The following GABRA3 variants were observed in gnomAD, a reference collection of about 807,000 sequenced individuals.
The protein encoded by GABRA3 is gamma-aminobutyric acid receptor subunit alpha-3.
In GABRA3, 10 loss-of-function variants were observed where a neutral mutation model predicts 30.1. The ratio of observed to expected loss-of-function variants is 0.33; its 90% confidence interval spans 0.20 to 0.56. GABRA3 has a LOEUF of 0.56. Among genes scored for constraint, GABRA3 ranks in the 20% least tolerant of loss-of-function variants. The pLI is 0.89. For synonymous variants in GABRA3, 151 were observed against 146.8 expected, an observed-to-expected ratio of 1.03 and a Z score of -0.21; for missense variants, 233 against 392.0, an observed-to-expected ratio of 0.59 and a Z score of 3.42.
intron 6 of GABRA3, among the ~76,000 whole-genome samples, chrX:152,213,986 G>A (rs2062576732): frequency 9.0e-6 from 1 of 110,856 alleles, no homozygotes; most frequent in Non-Finnish European, 1.9e-5. Flanking sequence ...GATATATTGT[G>A]TAGTGGACAA....
At chrX:152,323,836 AG>A (rs1255545982) in intron 3 of GABRA3, among the ~76,000 whole-genome samples, 1 of 112,032 alleles carries the variant, frequency 8.9e-6, no homozygotes, top group Non-Finnish European at 1.9e-5. Context: ...ATCTGTATTT[AG>A]AGAAAATAGA....
At chrX:152,185,002 G>T (rs988794292) in intron 9 of GABRA3, among the ~76,000 whole-genome samples, 1 of 111,167 alleles carries the variant, frequency 9.0e-6, no homozygotes, top group Non-Finnish European at 1.9e-5. Context: ...TCATAATACA[G>T]ATCAAAAATA....
At chrX:152,224,984 C>T (rs1234782575) in intron 5 of GABRA3, 139 bp from the exon 6 acceptor site, 1 of 430,543 alleles carries the variant, frequency 2.3e-6, no homozygotes, top group African/African-American at 2.5e-5. Flanking sequence ...TTTATGAACA[C>T]AAAGGATGGA....
intron 7 of GABRA3, among the ~76,000 whole-genome samples, chrX:152,204,703 TAAAC>T (rs938646566): frequency 3.6e-5 from 4 of 112,189 alleles, no homozygotes; most frequent in Non-Finnish European, 7.5e-5. Flanking sequence ...ATTACTTTGA[TAAAC>T]AGTAAGAAAA....
intron 9 of GABRA3, among the ~76,000 whole-genome samples, chrX:152,186,073 C>A (rs1937249205): frequency 9.0e-6 from 1 of 111,450 alleles, no homozygotes; most frequent in African/African-American, 3.3e-5. Context: ...AGTCTTCTAC[C>A]CTATATGTCT....
intron 3 of GABRA3, among the ~76,000 whole-genome samples, chrX:152,325,870 G>A (rs1272558314): frequency 2.7e-5 from 3 of 111,857 alleles, no homozygotes; most frequent in Non-Finnish European, 5.6e-5. Flanking sequence ...GTTGAGAGAA[G>A]AAGGCTTCAG....
At chrX:152,374,468 A>G (rs891687495) in intron 1 of GABRA3, among the ~76,000 whole-genome samples, 1 of 105,418 alleles carries the variant, frequency 9.5e-6, no homozygotes, top group Non-Finnish European at 1.9e-5. Flanking sequence ...CTCCTGCCTC[A>G]GCCTCCCGAG....
chrX:152,360,511 CA>C (rs1386683523), intron 2 of GABRA3, among the ~76,000 whole-genome samples: 1 of 79,383 alleles, frequency 1.3e-5, no homozygotes, highest in Non-Finnish European at 2.3e-5. Context: ...ATCACATGGA[CA>C]CAGGAAGGGG....
intron 1 of GABRA3, among the ~76,000 whole-genome samples, chrX:152,368,643 G>T (rs961761786): frequency 3.7e-5 from 4 of 108,612 alleles, no homozygotes; most frequent in Non-Finnish European, 7.6e-5. Context: ...AATATCCTTT[G>T]GATATATAAC....
chrX:152,276,485 G>A (rs1939087554), intron 4 of GABRA3, among the ~76,000 whole-genome samples: 3 of 111,220 alleles, frequency 2.7e-5, no homozygotes, highest in African/African-American at 3.3e-5. Context: ...AAATGTGCAA[G>A]CCCTAACAAA....
chrX:152,341,764 T>G (rs1310915038), intron 3 of GABRA3, among the ~76,000 whole-genome samples: 1 of 110,455 alleles, frequency 9.1e-6, no homozygotes, highest in African/African-American at 3.3e-5. Flanking sequence ...ATGGTCTCGA[T>G]CTCTTGACCT....
chrX:152,297,737 C>G (rs1306396341), intron 3 of GABRA3, among the ~76,000 whole-genome samples: 1 of 111,973 alleles, frequency 8.9e-6, no homozygotes, highest in East Asian at 2.8e-4. Flanking sequence ...AAAAAATATT[C>G]TATAATAGGA....
intron 3 of GABRA3, among the ~76,000 whole-genome samples, chrX:152,292,145 T>C (rs1569385619): frequency 8.9e-6 from 1 of 111,761 alleles, no homozygotes; most frequent in Non-Finnish European, 1.9e-5. Context: ...CGTCTGGTCC[T>C]GGACTTTTTT....
At chrX:152,404,301 G>A (rs962500099) in intron 1 of GABRA3, among the ~76,000 whole-genome samples, 2 of 110,999 alleles carry the variant, frequency 1.8e-5, no homozygotes, top group African/African-American at 6.6e-5. Flanking sequence ...AAGGCAGACT[G>A]GCTAGGGACC....
At chrX:152,341,160 A>G (rs759587440) in intron 3 of GABRA3, among the ~76,000 whole-genome samples, 17 of 111,375 alleles carry the variant, frequency 1.5e-4, no homozygotes, top group African/African-American at 5.5e-4. Context: ...TTCACTTAGT[A>G]TAATGGCCTC....
rs745567385 is a variant in GABRA3, at chrX:152,226,932, T to A, written c.552-2087A>T. ...AAATAGAACTCTTTTACACTGTTGGTGGGACTGTAAACTAGTTCAACCATT... is the reference window on the plus strand; with the variant it reads ...AAATAGAACTCTTTTACACTGTTGGAGGGACTGTAAACTAGTTCAACCATT... On this transcript the variant is annotated intron_variant, in intron 5 of 9. Transcript: ENST00000370314. Among the ~76,000 whole-genome samples the A allele has an allele frequency of 8.1e-5, 9 of 111,722 alleles. No homozygotes were observed. In the Admixed American group the frequency reaches 8.6e-4, roughly 11 times the overall value.
At chrX:152,266,215 T>C (rs766957744) in intron 4 of GABRA3, among the ~76,000 whole-genome samples, 1 of 111,767 alleles carries the variant, frequency 8.9e-6, no homozygotes, top group East Asian at 2.8e-4. Flanking sequence ...TGATGAATAT[T>C]GAGGCAAAGA....
chrX:152,247,220 A>G (rs1439045697), intron 5 of GABRA3, among the ~76,000 whole-genome samples: 1 of 111,885 alleles, frequency 8.9e-6, no homozygotes, highest in East Asian at 2.8e-4. Context: ...TTGATTATTA[A>G]ACATGGAGAA....
intron 3 of GABRA3, among the ~76,000 whole-genome samples, chrX:152,340,874 T>C (rs1301262160): frequency 9.3e-6 from 1 of 107,971 alleles, no homozygotes; most frequent in East Asian, 2.9e-4. Context: ...GTTAGAATTG[T>C]TTAATTTTTT....
Sources: gnomAD v4.1 joint callset for allele counts (sites outside exome capture counted in the v4.1 genomes callset) on GRCh38, gnomAD v4.1.1 for gene constraint, MANE v1.5 for transcripts, NCBI Gene and HGNC (gene_info 2026-07-23, HGNC 2026-07-21) for gene names.